SPATA13: variants seen among roughly 807,000 people sequenced by gnomAD.
SPATA13 encodes spermatogenesis associated 13.
A neutral mutation model predicts 104.0 loss-of-function variants in SPATA13; 50 were observed. That is an observed-to-expected ratio of 0.48 (90% CI 0.38 to 0.61). The LOEUF is 0.61. Among genes scored for constraint, SPATA13 ranks in the 20% least tolerant of loss-of-function variants. The pLI is 0.00. For missense variants in SPATA13, 1,524 were observed against 1,690.6 expected, an observed-to-expected ratio of 0.90 and a Z score of 1.73; for synonymous variants, 606 against 667.5, an observed-to-expected ratio of 0.91 and a Z score of 1.42.
In SPATA13 at chr13:24,051,730, AG is replaced by A. The variant is rs950618244; in HGVS notation, c.-112+34035del. Reference sequence around the variant, plus strand: ...GCGAATCTTCAGAGGTGGGAGCTTTAGGGGGGAAGTGGTAGCGATTGGAGTC... The same window carrying A: ...GCGAATCTTCAGAGGTGGGAGCTTTAGGGGGAAGTGGTAGCGATTGGAGTC... On this transcript the variant is annotated intron_variant, in intron 3 of 14. Transcript: ENST00000424834. This position sits in a 1 kb window ranked among gnomAD's most constrained non-coding sequence, Gnocchi z 4.2. Among the ~76,000 whole-genome samples the A allele has an allele frequency of 1.3e-5, 2 of 150,972 alleles. No individual in the cohort carries two copies. Among genetic ancestry groups the A allele is most frequent in the African/African-American group, 4.9e-5 (2 of 40,766 alleles).
At chr13:24,245,391 A>T (rs1045219802) in intron 2 of SPATA13, among the ~76,000 whole-genome samples, 1 of 152,102 alleles carries the variant, frequency 6.6e-6, no homozygotes, top group African/African-American at 2.4e-5. Flanking sequence ...TGTGAGCTTA[A>T]ATCTGAGAGT....
At chr13:24,278,740 A>C in intron 4 of SPATA13, 2 of 1,592,196 alleles carry the variant, frequency 1.3e-6, no homozygotes, top group Non-Finnish European at 1.7e-6. Flanking sequence ...GAAAAAACAA[A>C]GAAAGAAACT....
chr13:24,289,333 A>AT (rs1876173440), intron 8 of SPATA13, among the ~76,000 whole-genome samples, 155 bp downstream of exon 8: 1 of 152,242 alleles, frequency 6.6e-6, no homozygotes, highest in Admixed American at 6.5e-5. Context: ...TATGCTTATC[A>AT]TATAAACAAA....
At chr13:24,009,132 A>C (rs1019088157) in intron 2 of SPATA13, among the ~76,000 whole-genome samples, 1 of 152,162 alleles carries the variant, frequency 6.6e-6, no homozygotes, top group Non-Finnish European at 1.5e-5. Flanking sequence ...CCAGCCTGCT[A>C]TCCCCACCTA....
chr13:24,236,079 G>C (rs974757226), intron 2 of SPATA13, among the ~76,000 whole-genome samples: 1 of 152,124 alleles, frequency 6.6e-6, no homozygotes, highest in Non-Finnish European at 1.5e-5. Context: ...GGGTGGGGTC[G>C]GGCCTGCAGC....
At chr13:24,039,264 C>T (rs1877826738) in intron 3 of SPATA13, among the ~76,000 whole-genome samples, 1 of 152,190 alleles carries the variant, frequency 6.6e-6, no homozygotes, top group Non-Finnish European at 1.5e-5. Flanking sequence ...GCTGCAGCTG[C>T]TGGTCATCCC....
chr13:24,113,895 G>C (rs1014413112), intron 3 of SPATA13, among the ~76,000 whole-genome samples: 1 of 139,926 alleles, frequency 7.1e-6, no homozygotes. Context: ...AAAAAAGAAA[G>C]AAAGAAAATA....
At chr13:24,277,319 C>T (rs1224612579) in intron 4 of SPATA13, among the ~76,000 whole-genome samples, 1 of 151,902 alleles carries the variant, frequency 6.6e-6, no homozygotes, top group East Asian at 1.9e-4. Context: ...TGGCGGGCGC[C>T]TGTAGTCCCA....
chr13:24,165,304 T>A (rs890207490), intron 1 of SPATA13, among the ~76,000 whole-genome samples: 5 of 152,254 alleles, frequency 3.3e-5, no homozygotes, highest in African/African-American at 1.2e-4. Flanking sequence ...AGGTCTGCCC[T>A]GAAGACCCAC....
At chr13:24,234,875 G>A (rs1412900764) in intron 2 of SPATA13, among the ~76,000 whole-genome samples, 1 of 152,204 alleles carries the variant, frequency 6.6e-6, no homozygotes, top group Non-Finnish European at 1.5e-5. Context: ...AGGTAGTTGG[G>A]CCTTGTTCTG....
rs190959274 is a variant in SPATA13, at chr13:24,237,293, G to T, written c.1654-12184G>T. Among the ~76,000 whole-genome samples, 13 of 152,296 alleles carry T rather than the reference G, an allele frequency of 8.5e-5. No individual in the cohort carries two copies. The East Asian group carries it at 2.5e-3, about 29-fold the overall frequency. Reference sequence around the variant, plus strand: ...CAGGAGAATCTCTTGAACCCAGGGGGTGGAGGTTGCAGTGAGCCGAGATTG... The same window carrying T: ...CAGGAGAATCTCTTGAACCCAGGGGTTGGAGGTTGCAGTGAGCCGAGATTG... On this transcript the variant is annotated intron_variant, in intron 2 of 12. Transcript: ENST00000382108.
At chr13:24,170,077 C>T (rs1169007640) in intron 1 of SPATA13, among the ~76,000 whole-genome samples, 1 of 152,196 alleles carries the variant, frequency 6.6e-6, no homozygotes, top group Non-Finnish European at 1.5e-5. Flanking sequence ...TTTGACAGTA[C>T]AAGGTCCCAT....
chr13:24,120,697 G>A (rs939808265), intron 3 of SPATA13, among the ~76,000 whole-genome samples: 1 of 152,150 alleles, frequency 6.6e-6, no homozygotes, highest in Non-Finnish European at 1.5e-5. Context: ...CTCCATAAAG[G>A]GTTGTTGTTA....
intron 9 of SPATA13, among the ~76,000 whole-genome samples, chr13:24,292,720 G>A (rs901757182): frequency 3.3e-5 from 5 of 152,022 alleles, no homozygotes; most frequent in Admixed American, 1.3e-4. Flanking sequence ...ACTTCTGGCC[G>A]GGCGCCATGG....
Position 24,237,517 on chromosome 13 carries a change from G to A in SPATA13, c.1654-11960G>A, listed in dbSNP as rs538301558. On this transcript the variant is annotated intron_variant, in intron 2 of 12. Transcript: ENST00000382108. ...GTCAAATTCATAGAGACAGAAAGTA[G>A]AGTAGTCATTGCCAGGGGCTGTGGG... Among the ~76,000 whole-genome samples, 408 of 152,324 alleles carry A rather than the reference G, an allele frequency of 2.7e-3. 1 individual carries two copies. Among genetic ancestry groups the A allele is most frequent in the Middle Eastern group, 0.01 (3 of 294 alleles).
chr13:24,057,230 C>A (rs529456662), intron 3 of SPATA13, among the ~76,000 whole-genome samples: 1 of 151,540 alleles, frequency 6.6e-6, no homozygotes, highest in African/African-American at 2.4e-5. Flanking sequence ...ATCCCTCCCC[C>A]CTCCCCCCAA....
At chr13:24,252,450 G>A (rs1435070856) in intron 4 of SPATA13, among the ~76,000 whole-genome samples, 4 of 152,170 alleles carry the variant, frequency 2.6e-5, no homozygotes, top group Non-Finnish European at 2.9e-5. Context: ...CATGGGTACT[G>A]GGGGTTAGGA....
At chr13:24,002,554 G>C (rs9553137) in intron 2 of SPATA13, among the ~76,000 whole-genome samples, 269 of 152,154 alleles carry the variant, frequency 1.8e-3, no homozygotes, top group African/African-American at 6.2e-3. Flanking sequence ...GCCTGGTCAG[G>C]GGGGTGAGTG....
intron 4 of SPATA13, among the ~76,000 whole-genome samples, chr13:24,281,744 G>A (rs1380019302): frequency 1.3e-5 from 2 of 152,238 alleles, no homozygotes; most frequent in Non-Finnish European, 2.9e-5. Flanking sequence ...TGTGTCCAGA[G>A]CTCAGGCTTA....
Sources: allele counts gnomAD v4.1 joint callset (sites outside exome capture counted in the v4.1 genomes callset), GRCh38; gene constraint gnomAD v4.1.1; non-coding constraint Gnocchi (gnomAD v3.1); transcripts MANE v1.5; gene names NCBI Gene and HGNC (gene_info 2026-07-23, HGNC 2026-07-21).